Variants in NNT observed in about 807,000 individuals in gnomAD.
The protein encoded by NNT is nicotinamide nucleotide transhydrogenase.
NNT carries 50 observed loss-of-function variants against 104.8 expected under a neutral mutation model. That is an observed-to-expected ratio of 0.48 (90% CI 0.38 to 0.60). The LOEUF (loss-of-function observed/expected upper bound fraction) is 0.60. Ranked by LOEUF, NNT falls within the 20% of genes least tolerant of loss-of-function variation. The probability of loss-of-function intolerance (pLI) is 0.00; values close to 1 mark genes in which losing one functional copy is unlikely to be tolerated. For missense variants in NNT, 1,131 were observed against 1,330.7 expected (o/e 0.85, Z 2.33); for synonymous variants, 461 against 490.4 (o/e 0.94, Z 0.79).
intron 18 of NNT, 112 bp downstream of exon 18, chr5:43,675,782 A>G (rs1019803170): frequency 9.1e-6 from 7 of 772,052 alleles, no homozygotes; most frequent in Non-Finnish European, 1.3e-5. Context: ...TTGAAAATAT[A>G]ATGGAAACAA....
intron 7 of NNT, among the ~76,000 whole-genome samples, chr5:43,635,569 G>C (rs931634277): frequency 4.6e-5 from 7 of 152,182 alleles, no homozygotes; most frequent in Non-Finnish European, 8.8e-5. Context: ...CACAGACCTA[G>C]TGGCTTAACC....
intron 18 of NNT, 44 bp downstream of exon 18, chr5:43,675,714 T>C (rs1210446754): frequency 1.7e-5 from 23 of 1,374,796 alleles, no homozygotes; most frequent in Non-Finnish European, 1.9e-5. Flanking sequence ...ATAGCTGTTA[T>C]AATTGATGAC....
At position 43,655,935 on chromosome 5, in the gene NNT, A is replaced by G; in HGVS notation, c.2155A>G (p.Ile719Val). The change falls in exon 15 of 22, where the codon ATA (isoleucine) becomes GTA (valine). Residue 719 changes from isoleucine (I) to valine (V), a missense_variant. Transcript: ENST00000344920. The stretch of plus-strand genomic sequence containing the variant: ...GGGTTTGGCAGCTGTACTTACTTGC[A>G]TAGCTGAGTACATTATAGAATATCC... ...LVGLAAVLTC[I>V]AEYIIEYPHF... 6.2e-7 allele frequency: 1 copy of G among 1,614,156 alleles called. No homozygotes were observed. The highest frequency in any genetic ancestry group is 8.5e-7 in the Non-Finnish European group (1 of 1,179,968).
At position 43,619,147 on chromosome 5, in the gene NNT, T is replaced by A. The variant is rs766427136; in HGVS notation, c.687+28T>A. Reference sequence around the variant, plus strand: ...AGGTACAACTTTTAATGTTTCTTTATAATATGCATTGATTAAAGGAAAGGG... The same window carrying A: ...AGGTACAACTTTTAATGTTTCTTTAAAATATGCATTGATTAAAGGAAAGGG... On this transcript the variant is annotated intron_variant, in intron 5 of 21. Transcript: ENST00000344920. The A allele has an allele frequency of 8.3e-6, 11 of 1,322,840 alleles. No homozygotes were observed. In the East Asian group the frequency reaches 2.4e-4, roughly 29 times the overall value. The allele number at this position is 1,322,840 out of a possible 1,614,324, so 81.9% of individuals were successfully genotyped here.
rs191777039 is a variant in NNT, at chr5:43,692,918, A to G, written c.2877-7201A>G. Among the ~76,000 whole-genome samples the G allele has an allele frequency of 8.5e-5, 13 of 152,208 alleles. No individual in the cohort carries two copies. The Middle Eastern group carries it at 0.01, about 119-fold the overall frequency. On this transcript the variant is annotated intron_variant, in intron 19 of 21. Transcript: ENST00000344920. ...CCTTTAAAGCCATGTGTTTGTGTCA[A>G]TCTCATGTGCATTTTGCTTTGTTTG...
At chr5:43,660,907 A>G (rs1386645530) in intron 17 of NNT, among the ~76,000 whole-genome samples, 1 of 152,184 alleles carries the variant, frequency 6.6e-6, no homozygotes, top group Non-Finnish European at 1.5e-5. Flanking sequence ...GAGCCAAACC[A>G]TATCAGATAC....
At chr5:43,656,585 C>T in intron 15 of NNT, 68 bp from the exon 16 acceptor site, 1 of 1,405,150 alleles carries the variant, frequency 7.1e-7, no homozygotes, top group Non-Finnish European at 9.7e-7. Flanking sequence ...GTAGAATTCA[C>T]AGAAATGAAC....
intron 5 of NNT, among the ~76,000 whole-genome samples, chr5:43,622,726 A>G (rs1750161154): frequency 6.6e-6 from 1 of 152,236 alleles, no homozygotes; most frequent in African/African-American, 2.4e-5. Context: ...ACTAGTTAGT[A>G]ACAGAGTCAG....
Position 43,675,541 on chromosome 5 carries a change from C to G in NNT, c.2665C>G (p.Leu889Val). The change falls in exon 18 of 22, where the codon CTT becomes GTT. Residue 889 changes from leucine to valine, a missense_variant. By Grantham distance (32) the Leu-to-Val change is conservative. Transcript: ENST00000344920. ...AMNRSLANVI[L>V]GGYGTTSTAG... is the part of the protein sequence containing the mutation. ...GAATCGCTCCCTGGCTAATGTGATT[C>G]TTGGAGGCTATGGCACCACTTCAAC... 4 of 1,612,356 alleles carry G rather than the reference C, an allele frequency of 2.5e-6. No individual in the cohort carries two copies. Among genetic ancestry groups the G allele is most frequent in the Non-Finnish European group, 3.4e-6 (4 of 1,179,478 alleles).
At chr5:43,684,134 G>C (rs755689518) in intron 19 of NNT, among the ~76,000 whole-genome samples, 5 of 151,998 alleles carry the variant, frequency 3.3e-5, no homozygotes, top group Non-Finnish European at 7.4e-5. Flanking sequence ...AATATTTCCT[G>C]ATTCACATTC....
intron 17 of NNT, 66 bp downstream of exon 17, chr5:43,659,416 T>C: frequency 7.7e-7 from 1 of 1,295,994 alleles, no homozygotes; most frequent in Non-Finnish European, 1.1e-6. Context: ...GTGCATGTCA[T>C]TTCTTTTATT....
intron 7 of NNT, among the ~76,000 whole-genome samples, chr5:43,638,943 T>G (rs1751080218): frequency 6.6e-6 from 1 of 152,070 alleles, no homozygotes; most frequent in African/African-American, 2.4e-5. Flanking sequence ...AATCTGGGAA[T>G]TTATTGATTT....
chr5:43,668,174 C>A (rs1003645750), intron 17 of NNT, among the ~76,000 whole-genome samples: 5 of 150,904 alleles, frequency 3.3e-5, no homozygotes, highest in Non-Finnish European at 7.4e-5. Flanking sequence ...TGGATATTAG[C>A]CCTTTGTCAG....
Position 43,644,191 on chromosome 5 carries a change from G to A in NNT, c.965-1G>A. On this transcript the variant is annotated splice_acceptor_variant, in intron 7 of 21. Coordinates refer to ENST00000344920, the MANE Select transcript of NNT (RefSeq NM_182977.3). LOFTEE classifies it high-confidence loss of function. ...TGTGCTGCTTTCTTTGATTTTATTAGGTAAAAAAGCTCCAGTTTTATTTAA... is the reference window on the plus strand; with the variant it reads ...TGTGCTGCTTTCTTTGATTTTATTAAGTAAAAAAGCTCCAGTTTTATTTAA... 1 of 1,598,184 alleles carries A rather than the reference G, an allele frequency of 6.3e-7. No homozygotes were observed. Among genetic ancestry groups the A allele is most frequent in the Non-Finnish European group, 8.5e-7 (1 of 1,173,898 alleles).
chr5:43,638,229 T>G (rs1751041049), intron 7 of NNT, among the ~76,000 whole-genome samples: 1 of 152,170 alleles, frequency 6.6e-6, no homozygotes, highest in Admixed American at 6.6e-5. Flanking sequence ...GTGAGTCAAT[T>G]AAACCCCTTT....
At chr5:43,653,371 C>G in intron 14 of NNT, 158 bp downstream of exon 14, 1 of 667,356 alleles carries the variant, frequency 1.5e-6, no homozygotes, top group Non-Finnish European at 2.5e-6. Context: ...AATTCTCATT[C>G]AAATACATTT....
intron 11 of NNT, 77 bp from the exon 12 acceptor site, chr5:43,650,400 T>G: frequency 1.0e-6 from 1 of 1,004,886 alleles, no homozygotes; most frequent in South Asian, 1.3e-5. Flanking sequence ...AATCTATGTA[T>G]GTGAGGTACT....
chr5:43,653,579 T>C (rs200169668), intron 14 of NNT: 1 of 109,100 alleles, frequency 9.2e-6, no homozygotes, highest in East Asian at 2.4e-4. Context: ...CTGTTAAAAA[T>C]GAAAAAAAAA....
chr5:43,695,089 G>A (rs1256944943), intron 19 of NNT, among the ~76,000 whole-genome samples: 1 of 152,052 alleles, frequency 6.6e-6, no homozygotes, highest in African/African-American at 2.4e-5. Context: ...TGTGTATAGA[G>A]GTATTTGATA....
Sources: gnomAD v4.1 joint callset for allele counts (sites outside exome capture counted in the v4.1 genomes callset) on GRCh38, gnomAD v4.1.1 for gene constraint, MANE v1.5 for transcripts, NCBI Gene and HGNC (gene_info 2026-07-23, HGNC 2026-07-21) for gene names.